The following PRSS23 variants were observed in gnomAD, a reference collection of about 807,000 sequenced individuals.
PRSS23 encodes the protein serine protease 23, also known as protease, serine 23.
Under a neutral mutation model 34.7 loss-of-function variants are expected in PRSS23, and 25 were observed. The ratio of observed to expected loss-of-function variants is 0.72; its 90% CI spans 0.53 to 1.01. The LOEUF is 1.01. PRSS23 is among the 50% of genes least tolerant of loss of function. The pLI, the probability that PRSS23 is intolerant of heterozygous loss-of-function variation, is 0.00. For missense variants in PRSS23, 445 were observed against 475.6 expected (o/e 0.94, Z 0.60); for synonymous variants, 176 against 186.6 (o/e 0.94, Z 0.46).
chr11:86,845,979 A>G (rs1431210115), intron 2 of PRSS23, among the ~76,000 whole-genome samples: 1 of 152,254 alleles, frequency 6.6e-6, no homozygotes, highest in African/African-American at 2.4e-5. Flanking sequence ...GACATGTCAC[A>G]AAATAATTTA....
At chr11:86,816,867 T>A (rs1307015239) in intron 1 of PRSS23, among the ~76,000 whole-genome samples, 1 of 152,256 alleles carries the variant, frequency 6.6e-6, no homozygotes, top group Non-Finnish European at 1.5e-5. Context: ...TTTGTTTTGT[T>A]CTTCAAGCTG....
intron 1 of PRSS23, among the ~76,000 whole-genome samples, chr11:86,816,968 A>T (rs1948218907): frequency 6.6e-6 from 1 of 152,242 alleles, no homozygotes; most frequent in Non-Finnish European, 1.5e-5. Flanking sequence ...TTTAACTTGA[A>T]AATCTAATTA....
intron 2 of PRSS23, among the ~76,000 whole-genome samples, chr11:86,841,756 C>A (rs1411797011): frequency 6.6e-6 from 1 of 152,062 alleles, no homozygotes; most frequent in African/African-American, 2.4e-5. Flanking sequence ...TCTGAATAGA[C>A]CAATAAGAAG....
intron 2 of PRSS23, among the ~76,000 whole-genome samples, chr11:86,871,347 C>G (rs996344164): frequency 6.6e-6 from 1 of 152,152 alleles, no homozygotes; most frequent in Non-Finnish European, 1.5e-5. Flanking sequence ...CACTGTGTGA[C>G]CTCTGGAATC....
At chr11:86,939,423 T>TTTTTTTTTTTTAAA (rs1565392807) in intron 2 of PRSS23, among the ~76,000 whole-genome samples, 11 of 100,412 alleles carry the variant, frequency 1.1e-4, no homozygotes, top group South Asian at 3.2e-4. Context: ...TATATATATA[T>TTTTTTTTTTTTAAA]ATATTTTTTA....
intron 2 of PRSS23, chr11:86,938,943 A>C (rs1949182330): frequency 7.4e-6 from 3 of 405,756 alleles, no homozygotes; most frequent in Non-Finnish European, 1.5e-5. Flanking sequence ...CCATTAAAAG[A>C]TAGCCAAATG....
At chr11:86,834,358 T>C (rs2134893889) in intron 2 of PRSS23, among the ~76,000 whole-genome samples, 1 of 152,246 alleles carries the variant, frequency 6.6e-6, no homozygotes, top group African/African-American at 2.4e-5. Flanking sequence ...CTCCTGAGGT[T>C]CCCCATTCTA....
chr11:86,803,144 A>G (rs1468498011), intron 1 of PRSS23, among the ~76,000 whole-genome samples: 1 of 152,234 alleles, frequency 6.6e-6, no homozygotes, highest in African/African-American at 2.4e-5. Context: ...TATACCAGGA[A>G]TCTTTATTCA....
At chr11:86,802,703 T>A (rs1182107129) in intron 1 of PRSS23, among the ~76,000 whole-genome samples, 1 of 152,198 alleles carries the variant, frequency 6.6e-6, no homozygotes, top group East Asian at 1.9e-4. Context: ...AGGTTTTCCC[T>A]CCCAGCACTT....
At chr11:86,798,754 G>A (rs545665337), upstream of PRSS23, among the ~76,000 whole-genome samples, 7 of 152,196 alleles carry the variant, frequency 4.6e-5, no homozygotes, top group Non-Finnish European at 7.3e-5. Flanking sequence ...GAGTGCAGTG[G>A]TGATCATAGC....
At chr11:86,893,706 TAAATA>T (rs1241799537) in intron 2 of PRSS23, among the ~76,000 whole-genome samples, 1 of 152,206 alleles carries the variant, frequency 6.6e-6, no homozygotes, top group Non-Finnish European at 1.5e-5. Context: ...AGCAGTGGCT[TAAATA>T]AAAGTATATT....
At chr11:86,873,386 A>G (rs1948700319) in intron 2 of PRSS23, among the ~76,000 whole-genome samples, 2 of 151,432 alleles carry the variant, frequency 1.3e-5, no homozygotes, top group Non-Finnish European at 2.9e-5. Context: ...TCTGCCTCCC[A>G]GGTTCAAGTG....
chr11:86,812,718 T>C (rs540817780), downstream of PRSS23, among the ~76,000 whole-genome samples: 24 of 140,296 alleles, frequency 1.7e-4, no homozygotes, highest in Admixed American at 1.5e-3. Flanking sequence ...AAACTAGGAG[T>C]CGGAGATTGC....
At chr11:86,861,094 G>A (rs571883582) in intron 2 of PRSS23, among the ~76,000 whole-genome samples, 3 of 151,568 alleles carry the variant, frequency 2.0e-5, no homozygotes, top group South Asian at 4.2e-4. Context: ...AATATTACTC[G>A]AAATATCGTT....
At chr11:86,907,476 T>G (rs567159804) in intron 2 of PRSS23, among the ~76,000 whole-genome samples, 7 of 151,468 alleles carry the variant, frequency 4.6e-5, no homozygotes, top group African/African-American at 1.2e-4. Context: ...CAATTTTTTG[T>G]GTTTTTTTGA....
At chr11:86,824,560 T>A (rs897388252) in intron 2 of PRSS23, among the ~76,000 whole-genome samples, 13 of 150,674 alleles carry the variant, frequency 8.6e-5, no homozygotes, top group African/African-American at 3.2e-4. Flanking sequence ...ACATGTGCCA[T>A]GCTGGTGTGC....
chr11:86,942,985 T>G (rs1949215601), intron 2 of PRSS23, among the ~76,000 whole-genome samples: 2 of 152,160 alleles, frequency 1.3e-5, no homozygotes, highest in South Asian at 4.1e-4. Context: ...CAGCTCAACT[T>G]TAAAATTATA....
chr11:86,906,939 G>T (rs555687278), intron 2 of PRSS23, among the ~76,000 whole-genome samples: 1 of 151,874 alleles, frequency 6.6e-6, no homozygotes, highest in Admixed American at 6.6e-5. Flanking sequence ...CATTTTACCC[G>T]GTGATAGATT....
At chr11:86,928,707 TTGGC>T (rs1949102122) in intron 2 of PRSS23, among the ~76,000 whole-genome samples, 1 of 65,898 alleles carries the variant, frequency 1.5e-5, no homozygotes, top group African/African-American at 5.5e-5. Context: ...AAAAAAAAAA[TTGGC>T]AAGACATATA....
Sources: gnomAD v4.1 joint callset for allele counts (sites outside exome capture counted in the v4.1 genomes callset) on GRCh38, gnomAD v4.1.1 for gene constraint, MANE v1.5 for transcripts, NCBI Gene and HGNC (gene_info 2026-07-23, HGNC 2026-07-21) for gene names.